TNRC6B: variants seen among roughly 807,000 people sequenced by gnomAD.
TNRC6B encodes trinucleotide repeat-containing gene 6B protein.
In TNRC6B, 52 loss-of-function variants were observed where a neutral mutation model predicts 203.6. The observed-to-expected ratio is 0.26, with a 90% CI of 0.20 to 0.32. The LOEUF is 0.32. TNRC6B is among the 10% of genes least tolerant of loss of function. The pLI is 1.00. For synonymous variants in TNRC6B, 838 were observed against 845.7 expected (o/e 0.99, Z 0.16); for missense variants, 1,923 against 2,286.2 (o/e 0.84, Z 3.24).
chr22:40,316,286 G>A (rs528722750), intron 21 of TNRC6B, among the ~76,000 whole-genome samples: 12 of 151,902 alleles, frequency 7.9e-5, no homozygotes, highest in African/African-American at 1.7e-4. Context: ...CCCGGGAGGC[G>A]GAGCTTGCAG....
intron 1 of TNRC6B, among the ~76,000 whole-genome samples, chr22:40,097,714 A>ACG (rs1470820008): frequency 2.1e-5 from 3 of 144,740 alleles, no homozygotes; most frequent in Non-Finnish European, 4.6e-5. Flanking sequence ...ACACACACAC[A>ACG]CTGTATTATA....
At position 40,181,163 on chromosome 22, in the gene TNRC6B, G is replaced by A. The variant is rs541660322; in HGVS notation, c.5+3023G>A. 4.6e-5 allele frequency among the ~76,000 whole-genome samples: 7 copies of A among 152,290 alleles called. No homozygotes were observed. The East Asian group carries it at 9.6e-4, about 21-fold the overall frequency. On this transcript the variant is annotated intron_variant, in intron 1 of 22. Transcript: ENST00000454349. ...CATTTGTTATTCTGTGTGGCCACTC[G>A]GATGGTCCTTTAAAAATAAACTTCC...
intron 2 of TNRC6B, among the ~76,000 whole-genome samples, chr22:40,121,011 G>T (rs1009085855): frequency 1.3e-5 from 2 of 152,148 alleles, no homozygotes; most frequent in Admixed American, 6.5e-5. Context: ...ACTCATCAGA[G>T]AAGTGACTTC....
chr22:40,223,703 T>C (rs952384549), intron 1 of TNRC6B, among the ~76,000 whole-genome samples: 2 of 152,218 alleles, frequency 1.3e-5, no homozygotes, highest in Non-Finnish European at 2.9e-5. Context: ...CTTTTGCCGT[T>C]ACAAACATAT....
chr22:40,300,036 A>G (rs2071001355), intron 12 of TNRC6B, among the ~76,000 whole-genome samples: 1 of 152,174 alleles, frequency 6.6e-6, no homozygotes, highest in African/African-American at 2.4e-5. Context: ...ACAAGTTAAT[A>G]TATTTGTCTT....
intron 3 of TNRC6B, among the ~76,000 whole-genome samples, chr22:40,127,696 AC>A (rs2146325869): frequency 6.6e-6 from 1 of 152,036 alleles, no homozygotes; most frequent in African/African-American, 2.4e-5. Flanking sequence ...ACATGACAAA[AC>A]CCTGTCTCCA....
rs1220613940 is a variant in TNRC6B at position 40,326,139 on chromosome 22, GTT to G, written c.*2901_*2902del. ...TTTTTTGTTTCTGTTTTTAACATTT[GTT>G]TTCCTGCTTTAAAATTTGCAAGCAT... On this transcript the variant is annotated 3_prime_UTR_variant, in exon 23 of 23. Coordinates refer to ENST00000454349, the MANE Select transcript of TNRC6B (RefSeq NM_001162501.2). 1.3e-5 allele frequency: 2 copies of G among 152,228 alleles called. No individual in the cohort carries two copies. Among genetic ancestry groups the G allele is most frequent in the Non-Finnish European group, 2.9e-5 (2 of 67,958 alleles). The allele number at this position is 152,228 out of a possible 1,614,324, so 9.4% of individuals were successfully genotyped here.
At chr22:40,098,578 T>C (rs1440587381) in intron 1 of TNRC6B, among the ~76,000 whole-genome samples, 1 of 152,096 alleles carries the variant, frequency 6.6e-6, no homozygotes, top group African/African-American at 2.4e-5. Context: ...ATAGAAAAGA[T>C]TTAGATTTTT....
chr22:40,208,688 G>A (rs527344546), intron 1 of TNRC6B, among the ~76,000 whole-genome samples: 2 of 152,262 alleles, frequency 1.3e-5, no homozygotes, highest in African/African-American at 4.8e-5. Context: ...CTTAAGCTGA[G>A]TGGAGGGTAT....
chr22:40,301,221 G>A lies in TNRC6B; in HGVS notation c.4008G>A (p.Ser1336=), dbSNP rs760213086. ...AGAGGCAGCCAGGCATGAAGCACTC[G>A]CCCTCTCATCCTGTTGGGCCCAAGC... ...QQQRQPGMKH[S]PSHPVGPKPH... The change falls in exon 15 of 23, where the codon TCG becomes TCA. Residue 1336 remains serine (S), a synonymous_variant. Transcript: ENST00000454349. 12 of 1,557,296 alleles carry A rather than the reference G, an allele frequency of 7.7e-6. No homozygotes were observed. Among genetic ancestry groups the A allele is most frequent in the Middle Eastern group, 1.7e-4 (1 of 5,998 alleles).
intron 1 of TNRC6B, among the ~76,000 whole-genome samples, chr22:40,115,688 C>A (rs995951370): frequency 6.6e-6 from 1 of 151,836 alleles, no homozygotes; most frequent in Non-Finnish European, 1.5e-5. Context: ...CTTTGTCCAA[C>A]CAGGGAGGAT....
intron 2 of TNRC6B, among the ~76,000 whole-genome samples, chr22:40,248,028 T>C (rs148821422): frequency 1.3e-5 from 2 of 151,776 alleles, no homozygotes; most frequent in African/African-American, 4.8e-5. Flanking sequence ...TGAGTGGAGA[T>C]TGCACCACTG....
intron 2 of TNRC6B, among the ~76,000 whole-genome samples, chr22:40,248,004 G>A (rs952908429): frequency 2.3e-4 from 35 of 152,126 alleles, no homozygotes; most frequent in African/African-American, 8.5e-4. Flanking sequence ...GAGCCCAGGA[G>A]GGGGAGGTTG....
intron 1 of TNRC6B, among the ~76,000 whole-genome samples, chr22:40,204,176 GTA>G (rs1467495186): frequency 1.3e-5 from 2 of 152,282 alleles, no homozygotes; most frequent in East Asian, 3.9e-4. Flanking sequence ...TTTGTCGTTT[GTA>G]TTTCATAAGC....
intron 11 of TNRC6B, among the ~76,000 whole-genome samples, chr22:40,284,359 T>C (rs1033752435): frequency 6.6e-6 from 1 of 152,246 alleles, no homozygotes; most frequent in African/African-American, 2.4e-5. Flanking sequence ...TTGTAGGTTT[T>C]AATGAAGCCA....
intron 1 of TNRC6B, among the ~76,000 whole-genome samples, chr22:40,080,461 TATCTA>T (rs1170122945): frequency 6.6e-6 from 1 of 152,218 alleles, no homozygotes; most frequent in African/African-American, 2.4e-5. Context: ...GTTAAGCAGT[TATCTA>T]ATCTTATTAT....
At chr22:40,211,177 C>T (rs2069557183) in intron 1 of TNRC6B, among the ~76,000 whole-genome samples, 2 of 152,066 alleles carry the variant, frequency 1.3e-5, no homozygotes, top group African/African-American at 4.8e-5. Flanking sequence ...TAGTGGCATG[C>T]TCCTGGCTCA....
chr22:40,074,250 AAAG>A (rs2067984456), intron 1 of TNRC6B, among the ~76,000 whole-genome samples: 1 of 151,162 alleles, frequency 6.6e-6, no homozygotes, highest in African/African-American at 2.5e-5. Flanking sequence ...AAAAAAAAAA[AAAG>A]AAAAGAAAAT....
At chr22:40,061,989 G>A (rs974265728) in intron 1 of TNRC6B, among the ~76,000 whole-genome samples, 24 of 152,042 alleles carry the variant, frequency 1.6e-4, no homozygotes, top group Non-Finnish European at 7.4e-5. Context: ...CAGGAGAATC[G>A]CTTGAATCTG....
Sources: allele counts gnomAD v4.1 joint callset (sites outside exome capture counted in the v4.1 genomes callset), GRCh38; gene constraint gnomAD v4.1.1; transcripts MANE v1.5; gene names NCBI Gene and HGNC (gene_info 2026-07-23, HGNC 2026-07-21).